SSBP2: variants seen among roughly 807,000 people sequenced by gnomAD.
SSBP2 encodes the protein single-stranded DNA-binding protein 2.
In SSBP2, 17 loss-of-function variants were observed where a neutral mutation model predicts 61.8. The ratio of observed to expected loss-of-function variants is 0.28; its 90% confidence interval spans 0.19 to 0.41. SSBP2 has a LOEUF of 0.41. Among genes scored for constraint, SSBP2 ranks in the 10% least tolerant of loss-of-function variants. The pLI is 1.00. For synonymous variants in SSBP2, 139 were observed against 141.3 expected, an observed-to-expected ratio of 0.98 and a Z score of 0.12; for missense variants, 310 against 458.7, an observed-to-expected ratio of 0.68 and a Z score of 2.96.
chr5:81,462,747 A>G (rs1442603458), intron 9 of SSBP2, among the ~76,000 whole-genome samples: 1 of 152,180 alleles, frequency 6.6e-6, no homozygotes, highest in African/African-American at 2.4e-5. Flanking sequence ...GTACATCCAC[A>G]TGATTTGTTT....
At chr5:81,675,977 C>T (rs1032882487) in intron 1 of SSBP2, among the ~76,000 whole-genome samples, 1 of 152,174 alleles carries the variant, frequency 6.6e-6, no homozygotes, top group Non-Finnish European at 1.5e-5. Context: ...AACAGCCAAT[C>T]TTTGCACTAC....
intron 10 of SSBP2, among the ~76,000 whole-genome samples, chr5:81,460,359 G>A (rs543593465): frequency 1.3e-5 from 2 of 152,224 alleles, no homozygotes; most frequent in South Asian, 4.2e-4. Flanking sequence ...ACATATCGAA[G>A]AACTCAAGGT....
chr5:81,565,732 C>G (rs987706420), intron 4 of SSBP2, among the ~76,000 whole-genome samples: 19 of 152,062 alleles, frequency 1.2e-4, no homozygotes, highest in Admixed American at 5.2e-4. Flanking sequence ...ATGCTTATTT[C>G]AGAGTAGATA....
intron 14 of SSBP2, among the ~76,000 whole-genome samples, chr5:81,440,018 C>A (rs1005721890): frequency 6.6e-6 from 1 of 151,858 alleles, no homozygotes; most frequent in Admixed American, 6.6e-5. Context: ...GTCTTTATCA[C>A]GAAGACAATG....
intron 1 of SSBP2, among the ~76,000 whole-genome samples, chr5:81,719,722 T>A (rs768549357): frequency 6.6e-6 from 1 of 152,054 alleles, no homozygotes; most frequent in Non-Finnish European, 1.5e-5. Context: ...CCAGGGTCAG[T>A]CAGGAGGCAG....
intron 4 of SSBP2, among the ~76,000 whole-genome samples, chr5:81,550,945 A>G (rs1772131833): frequency 6.6e-6 from 1 of 151,856 alleles, no homozygotes; most frequent in Non-Finnish European, 1.5e-5. Flanking sequence ...AAATACAGAA[A>G]ATTAGCCAGG....
At chr5:81,446,741 G>T in intron 12 of SSBP2, 127 bp downstream of exon 12, 1 of 832,702 alleles carries the variant, frequency 1.2e-6, no homozygotes, top group Non-Finnish European at 1.8e-6. Context: ...TTCCTACCAT[G>T]CTGCCTCTAC....
chr5:81,742,257 A>G (rs1401650504), intron 1 of SSBP2, among the ~76,000 whole-genome samples: 1 of 152,238 alleles, frequency 6.6e-6, no homozygotes, highest in Non-Finnish European at 1.5e-5. Context: ...TTAAAAATAT[A>G]CACACATCAT....
intron 4 of SSBP2, among the ~76,000 whole-genome samples, chr5:81,584,696 G>A (rs1774930554): frequency 6.6e-6 from 1 of 152,114 alleles, no homozygotes; most frequent in African/African-American, 2.4e-5. Context: ...TTAGCAACAA[G>A]AGGACTCTCT....
intron 3 of SSBP2, among the ~76,000 whole-genome samples, chr5:81,628,418 C>A (rs535079384): frequency 2.0e-5 from 3 of 152,186 alleles, no homozygotes; most frequent in Non-Finnish European, 2.9e-5. Context: ...GGGACACAGC[C>A]AAACTATATC....
intron 1 of SSBP2, among the ~76,000 whole-genome samples, chr5:81,682,816 T>C (rs1393136373): frequency 6.6e-6 from 1 of 152,070 alleles, no homozygotes; most frequent in Non-Finnish European, 1.5e-5. Context: ...ACAATTATAG[T>C]AAGTTTGCAG....
intron 1 of SSBP2, among the ~76,000 whole-genome samples, chr5:81,702,188 T>A (rs1754033789): frequency 6.6e-6 from 1 of 152,104 alleles, no homozygotes. Flanking sequence ...CTGGCCAACA[T>A]GATGAAACCA....
intron 1 of SSBP2, among the ~76,000 whole-genome samples, chr5:81,738,415 C>T (rs1756767855): frequency 6.6e-6 from 1 of 152,160 alleles, no homozygotes; most frequent in South Asian, 2.1e-4. Context: ...CCTATTAAAG[C>T]CTTAGTTTCC....
chr5:81,736,145 C>CACACACAA (rs1756598828), intron 1 of SSBP2, among the ~76,000 whole-genome samples: 1 of 55,742 alleles, frequency 1.8e-5, no homozygotes, highest in Non-Finnish European at 4.8e-5. Context: ...TACCCTGAAA[C>CACACACAA]ACACACACAC....
intron 8 of SSBP2, 78 bp downstream of exon 8, chr5:81,473,622 C>G (rs1359639773): frequency 1.5e-5 from 19 of 1,261,430 alleles, no homozygotes; most frequent in Non-Finnish European, 2.2e-5. Flanking sequence ...ACCACATTCT[C>G]TTTACCCAGT....
intron 9 of SSBP2, among the ~76,000 whole-genome samples, chr5:81,461,862 A>T (rs1764567558): frequency 6.6e-6 from 1 of 152,188 alleles, no homozygotes; most frequent in African/African-American, 2.4e-5. Context: ...CAATTAATTA[A>T]ATCAAAAAGG....
intron 4 of SSBP2, among the ~76,000 whole-genome samples, chr5:81,531,231 AAAAAAAAAAAAG>A (rs532644187): frequency 8.7e-5 from 13 of 148,878 alleles, no homozygotes; most frequent in Admixed American, 4.0e-4. Flanking sequence ...CCTGTCTGGA[AAAAAAAAAAAAG>A]AAAAAAAAAA....
chr5:81,632,797 C>G (rs985662925), intron 3 of SSBP2, among the ~76,000 whole-genome samples: 1 of 152,204 alleles, frequency 6.6e-6, no homozygotes, highest in African/African-American at 2.4e-5. Flanking sequence ...CACTATTCCT[C>G]CAGGTATCAT....
Position 81,489,292 on chromosome 5 carries a change from C to T in SSBP2, c.390G>A (p.Arg130=), listed in dbSNP as rs762027310. 6.2e-7 allele frequency: 1 copy of T among 1,607,650 alleles called. No individual in the cohort carries two copies. Among genetic ancestry groups the T allele is most frequent in the Non-Finnish European group, 8.5e-7 (1 of 1,178,138 alleles). The change falls in exon 6 of 17, where the codon CGG becomes CGA. Residue 130 remains arginine, a synonymous_variant. Coordinates refer to ENST00000320672, the MANE Select transcript of SSBP2 (RefSeq NM_012446.5). ...ATGGGGGCCTTGGACCTCCAGGGTA[C>T]CGAGGTGACATAAAAGGCTATTGAA...
Sources: allele counts gnomAD v4.1 joint callset (sites outside exome capture counted in the v4.1 genomes callset), GRCh38; gene constraint gnomAD v4.1.1; transcripts MANE v1.5; gene names NCBI Gene and HGNC (gene_info 2026-07-23, HGNC 2026-07-21).